Variants in MYO6 observed in about 807,000 individuals in gnomAD.
MYO6 encodes unconventional myosin-VI.
A neutral mutation model predicts 178.7 loss-of-function variants in MYO6; 74 were observed. That is an observed-to-expected ratio of 0.41 (90% CI 0.34 to 0.50). The LOEUF (loss-of-function observed/expected upper bound fraction) is 0.50. Ranked by LOEUF, MYO6 falls within the 20% of genes least tolerant of loss-of-function variation. The probability of loss-of-function intolerance (pLI) is 0.09; values close to 1 mark genes in which losing one functional copy is unlikely to be tolerated. For missense variants in MYO6, 1,330 were observed against 1,547.4 expected, an observed-to-expected ratio of 0.86 and a Z score of 2.36; for synonymous variants, 477 against 504.6, an observed-to-expected ratio of 0.95 and a Z score of 0.73.
chr6:75,807,471 C>G (rs919897691), intron 1 of MYO6, among the ~76,000 whole-genome samples: 1 of 151,610 alleles, frequency 6.6e-6, no homozygotes, highest in Admixed American at 6.6e-5. Flanking sequence ...TTTTTTTTTC[C>G]TGGTATTTTG....
intron 30 of MYO6, among the ~76,000 whole-genome samples, chr6:75,906,990 A>G (rs997894870): frequency 1.3e-5 from 2 of 152,158 alleles, no homozygotes; most frequent in Non-Finnish European, 2.9e-5. Flanking sequence ...GAAGCCTACA[A>G]AGTAAGAGTT....
At chr6:75,813,451 C>A (rs1184451319) in intron 1 of MYO6, among the ~76,000 whole-genome samples, 1 of 152,202 alleles carries the variant, frequency 6.6e-6, no homozygotes, top group Non-Finnish European at 1.5e-5. Context: ...TGGCCCAGGG[C>A]ACATCCAGAA....
chr6:75,862,114 A>C (rs1776257819), intron 15 of MYO6, among the ~76,000 whole-genome samples: 1 of 152,216 alleles, frequency 6.6e-6, no homozygotes, highest in South Asian at 2.1e-4. Flanking sequence ...TACATTTTAT[A>C]GTTAGTTTTG....
chr6:75,789,182 A>C (rs1322214914), intron 1 of MYO6, among the ~76,000 whole-genome samples: 1 of 152,220 alleles, frequency 6.6e-6, no homozygotes, highest in African/African-American at 2.4e-5. Context: ...GTTTCATTGA[A>C]TCTAAAATAT....
At chr6:75,781,521 A>G (rs1035842739) in intron 1 of MYO6, among the ~76,000 whole-genome samples, 1 of 152,176 alleles carries the variant, frequency 6.6e-6, no homozygotes, top group African/African-American at 2.4e-5. Context: ...TCCAGCATGG[A>G]GTTGACACGT....
intron 32 of MYO6, among the ~76,000 whole-genome samples, chr6:75,910,541 G>T (rs1370917872): frequency 6.6e-6 from 1 of 152,120 alleles, no homozygotes; most frequent in Non-Finnish European, 1.5e-5. Context: ...GATTAGGAAA[G>T]CTTCCTAAGG....
chr6:75,787,714 C>CTA (rs1767757127), intron 1 of MYO6, among the ~76,000 whole-genome samples: 1 of 61,522 alleles, frequency 1.6e-5, no homozygotes, highest in Non-Finnish European at 3.1e-5. Flanking sequence ...CTCTCTCTCT[C>CTA]TCTCTCTCTC....
At chr6:75,892,503 G>C in intron 27 of MYO6, 27 bp from the exon 28 acceptor site, 1 of 1,613,886 alleles carries the variant, frequency 6.2e-7, no homozygotes, top group Non-Finnish European at 8.5e-7. Context: ...AAGAACTCTT[G>C]GTGAAATAGC....
rs1469974227 is a variant in MYO6 at position 75,775,504 on chromosome 6, C to T, written c.-48+26081C>T. Reference sequence around the variant, plus strand: ...CTCCCTTGGCTCTGAGGCCTGTGTACGGGAGACAGCAGCATCTGGGGTGGA... The same window carrying T: ...CTCCCTTGGCTCTGAGGCCTGTGTATGGGAGACAGCAGCATCTGGGGTGGA... On this transcript the variant is annotated intron_variant, in intron 1 of 34. Coordinates refer to ENST00000369977, the MANE Select transcript of MYO6 (RefSeq NM_004999.4). 9.9e-5 allele frequency among the ~76,000 whole-genome samples: 15 copies of T among 152,142 alleles called. 1 individual carries two copies. Among genetic ancestry groups the T allele is most frequent in the Admixed American group, 9.2e-4 (14 of 15,264 alleles).
chr6:75,822,680 A>G, intron 2 of MYO6, 102 bp from the exon 3 acceptor site: 3 of 834,336 alleles, frequency 3.6e-6, no homozygotes, highest in Admixed American at 1.7e-5. Context: ...AATAAAGAGC[A>G]TATTGTTGCC....
At chr6:75,780,426 A>G (rs534040285) in intron 1 of MYO6, among the ~76,000 whole-genome samples, 62 of 152,338 alleles carry the variant, frequency 4.1e-4, no homozygotes, top group African/African-American at 1.4e-3. Flanking sequence ...TGGGTGACAG[A>G]GCGAGACTCT....
Position 75,886,952 on chromosome 6 carries a change from G to T in MYO6, c.2616G>T (p.Lys872Asn), listed in dbSNP as rs139542573. 2.5e-5 allele frequency: 41 copies of T among 1,613,676 alleles called. No homozygotes were observed. In the African/African-American group the frequency reaches 3.7e-4, roughly 15 times the overall value. Residue 872 changes from lysine to asparagine, a missense_variant, in exon 25 of 35, where the codon AAG becomes AAT. Physicochemically the swap from Lys to Asn is moderately conservative, Grantham distance 94. This residue lies in a region of MYO6 where 601 missense variants were observed against 626.1 expected (regional missense o/e 0.96). Transcript: ENST00000369977. The stretch of plus-strand genomic sequence containing the variant: ...AACCCGAGATGAATAAACAGATCAA[G>T]AATCTGGAAATTTCTATTGATACTT... The part of the protein sequence containing the change: ...DGKPEMNKQI[K>N]NLEISIDTLM...
intron 1 of MYO6, among the ~76,000 whole-genome samples, chr6:75,811,127 A>AG (rs1194208024): frequency 4.9e-5 from 7 of 143,626 alleles, no homozygotes; most frequent in Middle Eastern, 7.0e-3. Context: ...GGATTGGGGT[A>AG]GGGGGGCAGT....
intron 5 of MYO6, 58 bp downstream of exon 5, chr6:75,830,603 T>G: frequency 6.6e-7 from 1 of 1,518,820 alleles, no homozygotes; most frequent in Admixed American, 1.7e-5. Flanking sequence ...ACAAATTTAC[T>G]CAATTTTTCT....
intron 1 of MYO6, among the ~76,000 whole-genome samples, chr6:75,770,686 A>G (rs1162022801): frequency 1.3e-5 from 2 of 152,208 alleles, no homozygotes; most frequent in Non-Finnish European, 2.9e-5. Flanking sequence ...CATGTTAAAT[A>G]GTCTGGTCTT....
chr6:75,756,869 A>G (rs1777402131), intron 1 of MYO6, among the ~76,000 whole-genome samples: 2 of 144,462 alleles, frequency 1.4e-5, no homozygotes, highest in Non-Finnish European at 3.0e-5. Context: ...TAATGTGGAA[A>G]GAGTACTTAT....
chr6:75,816,303 C>T (rs991197984), intron 1 of MYO6, among the ~76,000 whole-genome samples: 1 of 152,206 alleles, frequency 6.6e-6, no homozygotes, highest in Admixed American at 6.5e-5. Flanking sequence ...CAGAAACTAA[C>T]AGAACAGTAG....
rs918013766 is a variant in MYO6, at chr6:75,898,377, C to T, written c.3142C>T (p.Gln1048Ter). ...GTATTATCGTTTTTCTTGTAGGGAACAAATGGCCAAAGAAATGTCAGAATT... is the reference window on the plus strand; with the variant it reads ...GTATTATCGTTTTTCTTGTAGGGAATAAATGGCCAAAGAAATGTCAGAATT... ...DGTRPKMTPE[Q>*]MAKEMSEFLS... Residue 1048 changes from glutamine (Q) to a stop codon, truncating the protein, a stop_gained, in exon 30 of 35, where the codon CAA (glutamine) becomes TAA (stop). Coordinates refer to ENST00000369977, the MANE Select transcript of MYO6 (RefSeq NM_004999.4). LOFTEE classifies it high-confidence loss of function. The T allele has an allele frequency of 6.2e-7, 1 of 1,607,750 alleles. No homozygotes were observed. The highest frequency in any genetic ancestry group is 8.5e-7 in the Non-Finnish European group (1 of 1,174,550).
At chr6:75,775,848 G>C in intron 1 of MYO6, among the ~76,000 whole-genome samples, 1 of 152,180 alleles carries the variant, frequency 6.6e-6, no homozygotes, top group Admixed American at 6.5e-5. Flanking sequence ...TGACCAATCT[G>C]TTCCTAATAT....
Sources: allele counts gnomAD v4.1 joint callset (sites outside exome capture counted in the v4.1 genomes callset), GRCh38; gene constraint gnomAD v4.1.1; regional missense constraint gnomAD v4.1.1; transcripts MANE v1.5; gene names NCBI Gene and HGNC (gene_info 2026-07-23, HGNC 2026-07-21).